TBKBP1: variants seen among roughly 807,000 people sequenced by gnomAD.
The protein encoded by TBKBP1 is TBK1 binding protein 1, also known as TANK-binding kinase 1-binding protein 1.
In TBKBP1, 47 loss-of-function variants were observed where a neutral mutation model predicts 69.9. The observed-to-expected ratio is 0.67, with a 90% CI of 0.53 to 0.86. TBKBP1 has a LOEUF of 0.86. Ranked by LOEUF, TBKBP1 falls within the 40% of genes least tolerant of loss-of-function variation. TBKBP1 has a pLI of 0.00. For missense variants in TBKBP1, 831 were observed against 858.6 expected, an observed-to-expected ratio of 0.97 and a Z score of 0.40; for synonymous variants, 418 against 390.3, an observed-to-expected ratio of 1.07 and a Z score of -0.84.
Position 47,699,452 on chromosome 17 carries a change from G to A in TBKBP1, c.767G>A (p.Arg256Gln), listed in dbSNP as rs762829916. The change falls in exon 6 of 10, where the codon CGG becomes CAG. Residue 256 changes from arginine to glutamine, a missense_variant. By Grantham distance (43) the Arg-to-Gln change is conservative. Transcript: ENST00000578982. The stretch of plus-strand genomic sequence containing the variant: ...GAGCAGCTCCAGGCCGAGTGCGAGC[G>A]GCTGCAGGGGGAGCTGAAGCAGCTG... ...REEQLQAECE[R>Q]LQGELKQLQE... The A allele has an allele frequency of 1.5e-5, 23 of 1,570,156 alleles. No individual in the cohort carries two copies. The highest frequency in any genetic ancestry group is 2.3e-5 in the East Asian group (1 of 44,202).
Position 47,708,635 on chromosome 17 carries a change from G to A in TBKBP1, c.992-90G>A. On this transcript the variant is annotated intron_variant, in intron 8 of 9. Transcript: ENST00000578982. The surrounding 1 kb of genome is among the most constrained non-coding windows in gnomAD (Gnocchi z 4.4). ...CTTTCCTGTGGCCTGGAGTTGGTGG[G>A]CATGGGTCCGGGCAAGCCCCTGGCG... The A allele has an allele frequency of 1.4e-6, 2 of 1,418,982 alleles. No individual in the cohort carries two copies. Among genetic ancestry groups the A allele is most frequent in the Non-Finnish European group, 1.9e-6 (2 of 1,051,566 alleles). 87.9% of individuals were successfully genotyped at this position (1,418,982 alleles called of 1,614,324 possible).
intron 3 of TBKBP1, 120 bp from the exon 4 acceptor site, chr17:47,696,969 C>T (rs2143257315): frequency 1.3e-6 from 2 of 1,508,064 alleles, no homozygotes; most frequent in South Asian, 1.3e-5. Context: ...AGCCCAGCTG[C>T]AGCTCCTCCT....
Position 47,694,204 on chromosome 17 carries a change from C to G in TBKBP1, c.-35+10C>G, listed in dbSNP as rs2031107640. On this transcript the variant is annotated intron_variant, in intron 1 of 9. Coordinates refer to ENST00000578982, the MANE Select transcript of TBKBP1 (RefSeq NM_001394755.1). ...GGAACCGGCAGCAGCTGTGAGTCCC[C>G]GGCTGGGGCTAGGGCTGGGGGAGGG... The G allele has an allele frequency of 9.0e-6, 1 of 110,710 alleles. No individual in the cohort carries two copies. The highest frequency in any genetic ancestry group is 3.5e-5 in the African/African-American group (1 of 28,910). 6.9% of individuals were successfully genotyped at this position (110,710 alleles called of 1,614,324 possible). A position where few individuals can be genotyped will look rare whatever the true frequency, so the allele number is the denominator to read the frequency against.
chr17:47,709,135 G>A lies in TBKBP1; in HGVS notation c.1402G>A (p.Gly468Ser). The A allele has an allele frequency of 1.4e-6, 2 of 1,388,816 alleles. No individual in the cohort carries two copies. Among genetic ancestry groups the A allele is most frequent in the Non-Finnish European group, 1.9e-6 (2 of 1,080,696 alleles). 86.0% of individuals were successfully genotyped at this position (1,388,816 alleles called of 1,614,324 possible). A position where few individuals can be genotyped will look rare whatever the true frequency, so the allele number is the denominator to read the frequency against. ...GRRSYSELAE[G>S]AAYAGASPPW... ...CCGCAGCTACTCTGAGCTGGCGGAG[G>A]GCGCGGCCTACGCGGGCGCCTCCCC... is the stretch of plus-strand genomic sequence containing the variant. Residue 468 changes from glycine (G) to serine (S), a missense_variant, in exon 9 of 10, where the codon GGC becomes AGC. Physicochemically the swap from Gly to Ser is moderately conservative, Grantham distance 56. Transcript: ENST00000578982.
At chr17:47,695,736 G>C (rs1292185862) in intron 1 of TBKBP1, 1 of 196,256 alleles carries the variant, frequency 5.1e-6, no homozygotes, top group Non-Finnish European at 1.0e-5. Flanking sequence ...AAGCGCGGAG[G>C]AATGGGCCGG....
At position 47,698,695 on chromosome 17, in the gene TBKBP1, CA is replaced by C; in HGVS notation, c.555del (p.Pro186ArgfsTer11). The C allele has an allele frequency of 6.2e-7, 1 of 1,606,464 alleles. No homozygotes were observed. Reference sequence around the variant, plus strand: ...GATGCAGCCTTCTCCAACCTGAGCCCACCGCCAGCCCCCGCCCCTCCCTGCA... The same window carrying C: ...GATGCAGCCTTCTCCAACCTGAGCCCCCGCCAGCCCCCGCCCCTCCCTGCA... Reference protein sequence around the residue: ...LQDAAFSNLSPPPAPAPPCTD... With the variant: ...LQDAAFSNLSXPPAPAPPCTD... On this transcript the variant is annotated frameshift_variant, in exon 5 of 10. Coordinates refer to ENST00000578982, the MANE Select transcript of TBKBP1 (RefSeq NM_001394755.1). LOFTEE classifies it high-confidence loss of function.
At chr17:47,694,814 C>CG in intron 1 of TBKBP1, among the ~76,000 whole-genome samples, 1 of 150,222 alleles carries the variant, frequency 6.7e-6, no homozygotes, top group Non-Finnish European at 1.5e-5. Flanking sequence ...GCCCTACAAA[C>CG]GCGCGCACAC....
At chr17:47,697,229 G>A (rs763741741) in intron 4 of TBKBP1, 36 bp downstream of exon 4, 2 of 1,569,328 alleles carry the variant, frequency 1.3e-6, no homozygotes, top group Non-Finnish European at 1.7e-6. Context: ...TTGAGGATGT[G>A]TAGCTGGTTG....
At chr17:47,697,285 C>A in intron 4 of TBKBP1, 92 bp downstream of exon 4, 3 of 1,125,356 alleles carry the variant, frequency 2.7e-6, no homozygotes, top group South Asian at 1.4e-5. Context: ...GGATTCCAGC[C>A]TGTGACAGTG....
At position 47,697,190 on chromosome 17, in the gene TBKBP1, G is replaced by A. The variant is rs1010611384; in HGVS notation, c.450G>A (p.Glu150=). 1 of 1,612,046 alleles carries A rather than the reference G, an allele frequency of 6.2e-7. No homozygotes were observed. Among genetic ancestry groups the A allele is most frequent in the African/African-American group, 1.3e-5 (1 of 74,920 alleles). Residue 150 remains glutamate (E), a synonymous_variant, in exon 4 of 10, where the codon GAG becomes GAA. Coordinates refer to ENST00000578982, the MANE Select transcript of TBKBP1 (RefSeq NM_001394755.1). Reference sequence around the variant, plus strand: ...GTGACTTGGAGACAGAGCTGAGGGAGATGGTGAGGCCTGGGGAGCCGGAGG... The same window carrying A: ...GTGACTTGGAGACAGAGCTGAGGGAAATGGTGAGGCCTGGGGAGCCGGAGG... ...EKSDLETELR[E]MRALVETHLR...
Position 47,709,381 on chromosome 17 carries a change from C to A in TBKBP1, c.1648C>A (p.Pro550Thr). 1 of 1,531,530 alleles carries A rather than the reference C, an allele frequency of 6.5e-7. No homozygotes were observed. The highest frequency in any genetic ancestry group is 8.7e-7 in the Non-Finnish European group (1 of 1,146,284). 94.9% of individuals were successfully genotyped at this position (1,531,530 alleles called of 1,614,324 possible). A position where few individuals can be genotyped will look rare whatever the true frequency, so the allele number is the denominator to read the frequency against. The change falls in exon 9 of 10, where the codon CCC becomes ACC. Residue 550 changes from proline (P) to threonine (T), a missense_variant. Physicochemically the swap from Pro to Thr is conservative, Grantham distance 38. Transcript: ENST00000578982. ...IRCASFCAGF[P>T]IPESPAATAY... ...CTGCGCCTCCTTCTGCGCGGGCTTCCCCATCCCCGAGTCGCCCGCCGCCAC... is the reference window on the plus strand; with the variant it reads ...CTGCGCCTCCTTCTGCGCGGGCTTCACCATCCCCGAGTCGCCCGCCGCCAC...
At position 47,709,475 on chromosome 17, in the gene TBKBP1, G is replaced by C. The variant is rs1053267687; in HGVS notation, c.1719+23G>C. On this transcript the variant is annotated intron_variant, in intron 9 of 9. Transcript: ENST00000578982. ...AACGTGAGTGGGGCGCCCGCGTTCC[G>C]CCCACCCCGGACCGGGCCTTGAGAT... 4.0e-6 allele frequency: 6 copies of C among 1,490,742 alleles called. No individual in the cohort carries two copies. The African/African-American group carries it at 8.7e-5, about 22-fold the overall frequency. The allele number at this position is 1,490,742 out of a possible 1,614,324, so 92.3% of individuals were successfully genotyped here.
chr17:47,702,853 T>G (rs1044538453), intron 7 of TBKBP1, among the ~76,000 whole-genome samples: 1 of 151,938 alleles, frequency 6.6e-6, no homozygotes, highest in Admixed American at 6.6e-5. Context: ...ACCCTGACCC[T>G]TGGGGGGTTC....
Position 47,708,534 on chromosome 17 carries a change from G to A in TBKBP1, c.991+22G>A, listed in dbSNP as rs769431710. The A allele has an allele frequency of 1.9e-6, 3 of 1,611,268 alleles. No individual in the cohort carries two copies. The Admixed American group carries it at 5.0e-5, about 27-fold the overall frequency. Reference sequence around the variant, plus strand: ...GGCGGTGAGATGGGGCAGGGCAGGGGGAGGCAGCCGCGGGACCCGGGAAGG... The same window carrying A: ...GGCGGTGAGATGGGGCAGGGCAGGGAGAGGCAGCCGCGGGACCCGGGAAGG... On this transcript the variant is annotated intron_variant, in intron 8 of 9. Transcript: ENST00000578982. This position sits in a 1 kb window ranked among gnomAD's most constrained non-coding sequence, Gnocchi z 4.4.
At chr17:47,696,377 G>GGAT in intron 2 of TBKBP1, 40 bp downstream of exon 2, 4 of 1,590,416 alleles carry the variant, frequency 2.5e-6, no homozygotes, top group Non-Finnish European at 3.4e-6. Context: ...AGAGTGTATG[G>GGAT]GATGGGGAGG....
intron 7 of TBKBP1, among the ~76,000 whole-genome samples, chr17:47,706,828 G>GACACACACACACAC (rs55849029): frequency 2.8e-4 from 37 of 134,222 alleles, no homozygotes; most frequent in South Asian, 7.6e-4. Context: ...GTTAGACTTA[G>GACACACACACACAC]ACACACACAC....
chr17:47,700,252 G>T (rs1425928373), intron 7 of TBKBP1, among the ~76,000 whole-genome samples: 1 of 143,360 alleles, frequency 7.0e-6, no homozygotes, highest in East Asian at 2.1e-4. Flanking sequence ...GCCTCCCAAA[G>T]TGCTGGGATT....
chr17:47,703,972 T>C (rs2031612609), intron 7 of TBKBP1, among the ~76,000 whole-genome samples: 3 of 152,142 alleles, frequency 2.0e-5, no homozygotes, highest in Admixed American at 1.3e-4. Flanking sequence ...TGGTTCAGGT[T>C]CTTCTTCAGG....
chr17:47,708,336 CA>C lies in TBKBP1; in HGVS notation c.873-57del. 6.3e-7 allele frequency: 1 copy of C among 1,579,460 alleles called. No individual in the cohort carries two copies. The highest frequency in any genetic ancestry group is 8.7e-7 in the Non-Finnish European group (1 of 1,151,852). On this transcript the variant is annotated intron_variant, in intron 7 of 9. Coordinates refer to ENST00000578982, the MANE Select transcript of TBKBP1 (RefSeq NM_001394755.1). The surrounding 1 kb of genome is among the most constrained non-coding windows in gnomAD (Gnocchi z 4.4). ...TGGGGTAGAGCCAGTTCTTCCTCCA[CA>C]GCTGGGACGGTAGACCCACTGCCCT... is the stretch of plus-strand genomic sequence containing the variant.
Sources: allele counts gnomAD v4.1 joint callset (sites outside exome capture counted in the v4.1 genomes callset), GRCh38; gene constraint gnomAD v4.1.1; non-coding constraint Gnocchi (gnomAD v3.1); transcripts MANE v1.5; gene names NCBI Gene and HGNC (gene_info 2026-07-23, HGNC 2026-07-21).